The following PAM variants were observed in gnomAD, a reference collection of about 807,000 sequenced individuals.
PAM encodes the protein peptidylglycine alpha-amidating monooxygenase.
A neutral mutation model predicts 122.1 loss-of-function variants in PAM; 72 were observed. The observed-to-expected ratio is 0.59, with a 90% CI of 0.49 to 0.72. PAM has a LOEUF of 0.72. Among genes scored for constraint, PAM ranks in the 30% least tolerant of loss-of-function variants. PAM has a pLI of 0.00. For missense variants in PAM, 1,106 were observed against 1,183.7 expected (o/e 0.93, Z 0.96); for synonymous variants, 389 against 404.4 (o/e 0.96, Z 0.46).
chr5:102,951,773 T>C (rs1349658699), intron 12 of PAM, among the ~76,000 whole-genome samples: 1 of 152,104 alleles, frequency 6.6e-6, no homozygotes, highest in Non-Finnish European at 1.5e-5. Flanking sequence ...ACTTTAAGGC[T>C]AAGGATAAAA....
At chr5:103,018,851 T>C (rs570440128) in intron 22 of PAM, among the ~76,000 whole-genome samples, 1 of 152,266 alleles carries the variant, frequency 6.6e-6, no homozygotes, top group Admixed American at 6.5e-5. Flanking sequence ...AGACAATTTT[T>C]CCACAGACCA....
At chr5:102,985,762 A>G (rs1771615341) in intron 15 of PAM, among the ~76,000 whole-genome samples, 1 of 152,180 alleles carries the variant, frequency 6.6e-6, no homozygotes, top group Non-Finnish European at 1.5e-5. Context: ...CATTATCTTG[A>G]CTTCAAAACC....
chr5:102,979,859 T>C (rs1769144208), intron 15 of PAM, among the ~76,000 whole-genome samples: 1 of 152,002 alleles, frequency 6.6e-6, no homozygotes, highest in South Asian at 2.1e-4. Context: ...GGCTGTACAT[T>C]AACCTTTATT....
At chr5:102,980,293 AAAT>A (rs1769316904) in intron 15 of PAM, among the ~76,000 whole-genome samples, 1 of 152,206 alleles carries the variant, frequency 6.6e-6, no homozygotes, top group Non-Finnish European at 1.5e-5. Context: ...ATCATTTCTT[AAAT>A]AATAACCAAG....
chr5:102,901,600 T>C (rs1797916639), intron 4 of PAM, among the ~76,000 whole-genome samples, 187 bp downstream of exon 4: 3 of 151,696 alleles, frequency 2.0e-5, no homozygotes, highest in African/African-American at 7.2e-5. Context: ...ATAAACTGTA[T>C]CTGGAGAGAT....
At chr5:102,862,063 G>A (rs960354484) in intron 1 of PAM, among the ~76,000 whole-genome samples, 3 of 151,708 alleles carry the variant, frequency 2.0e-5, no homozygotes, top group South Asian at 2.1e-4. Flanking sequence ...CCGGCTACTC[G>A]GGAGGCTGAG....
chr5:102,812,112 T>C (rs1319682763), intron 1 of PAM, among the ~76,000 whole-genome samples: 1 of 152,190 alleles, frequency 6.6e-6, no homozygotes, highest in Non-Finnish European at 1.5e-5. Flanking sequence ...AATAACACTG[T>C]CGTTTATGGA....
chr5:102,909,553 G>T (rs772859000), intron 4 of PAM, among the ~76,000 whole-genome samples: 1 of 151,660 alleles, frequency 6.6e-6, no homozygotes, highest in Admixed American at 6.6e-5. Flanking sequence ...CTGGTAATTC[G>T]CCCGTGAAAC....
At chr5:102,956,863 CA>C (rs2150168566) in intron 12 of PAM, among the ~76,000 whole-genome samples, 1 of 152,016 alleles carries the variant, frequency 6.6e-6, no homozygotes, top group African/African-American at 2.4e-5. Flanking sequence ...ACTTTTAGTA[CA>C]ATTTTTTTTC....
chr5:102,967,990 T>C (rs2150349968), intron 14 of PAM, among the ~76,000 whole-genome samples: 1 of 152,252 alleles, frequency 6.6e-6, no homozygotes, highest in Non-Finnish European at 1.5e-5. Context: ...CCCAAAGTGC[T>C]GGGATTACAG....
At chr5:102,816,758 T>C (rs1187990873) in intron 1 of PAM, among the ~76,000 whole-genome samples, 1 of 152,168 alleles carries the variant, frequency 6.6e-6, no homozygotes, top group Non-Finnish European at 1.5e-5. Flanking sequence ...TCAGTCCTAC[T>C]TTCTTCTCTA....
chr5:102,814,532 T>C (rs970072044), intron 1 of PAM, among the ~76,000 whole-genome samples: 1 of 148,828 alleles, frequency 6.7e-6, no homozygotes, highest in African/African-American at 2.5e-5. Context: ...TCTCTATATA[T>C]ACATATATAT....
At chr5:103,008,625 T>G (rs1024302815) in intron 20 of PAM, among the ~76,000 whole-genome samples, 1 of 152,170 alleles carries the variant, frequency 6.6e-6, no homozygotes, top group African/African-American at 2.4e-5. Context: ...GGCTACTATC[T>G]GGACCAAGCA....
chr5:102,911,249 A>G (rs1801312713), intron 4 of PAM, among the ~76,000 whole-genome samples: 1 of 151,980 alleles, frequency 6.6e-6, no homozygotes, highest in African/African-American at 2.4e-5. Flanking sequence ...AAAGATGGTT[A>G]GTTGCTTGTT....
Position 102,919,694 on chromosome 5 carries a change from C to A in PAM, c.357-5263C>A, listed in dbSNP as rs116015900. ...TAGGCTAAAATTAATAGCATCCATT[C>A]CCTTTTTCCACTTTAATATTGTAAT... is the stretch of plus-strand genomic sequence containing the variant. On this transcript the variant is annotated intron_variant, in intron 5 of 25. Transcript: ENST00000438793. 4.4e-3 allele frequency among the ~76,000 whole-genome samples: 664 copies of A among 152,208 alleles called. 2 individuals are homozygous for A. Among genetic ancestry groups the A allele is most frequent in the Non-Finnish European group, 7.1e-3 (482 of 67,958 alleles).
At chr5:102,816,289 C>T (rs1241702512) in intron 1 of PAM, among the ~76,000 whole-genome samples, 1 of 152,104 alleles carries the variant, frequency 6.6e-6, no homozygotes, top group African/African-American at 2.4e-5. Context: ...TAATTCTTTG[C>T]CACAAAAGCA....
intron 4 of PAM, among the ~76,000 whole-genome samples, chr5:102,904,920 A>G (rs560402478): frequency 1.3e-5 from 2 of 151,720 alleles, no homozygotes; most frequent in African/African-American, 4.8e-5. Flanking sequence ...TGGAACTCAT[A>G]TGTGTATATG....
intron 3 of PAM, among the ~76,000 whole-genome samples, chr5:102,886,819 G>A (rs952583448): frequency 1.6e-4 from 25 of 152,070 alleles, no homozygotes; most frequent in African/African-American, 6.0e-4. Flanking sequence ...TGTCTGTCCT[G>A]TGGGAAAGAT....
chr5:102,904,406 A>G (rs1268741023), intron 4 of PAM, among the ~76,000 whole-genome samples: 1 of 151,554 alleles, frequency 6.6e-6, no homozygotes, highest in African/African-American at 2.4e-5. Flanking sequence ...CCGACTCAAT[A>G]ATTGCTTGCT....
Sources: gnomAD v4.1 joint callset for allele counts (sites outside exome capture counted in the v4.1 genomes callset) on GRCh38, gnomAD v4.1.1 for gene constraint, MANE v1.5 for transcripts, NCBI Gene and HGNC (gene_info 2026-07-23, HGNC 2026-07-21) for gene names.